The following ZNF700 variants were observed in gnomAD, a reference collection of about 807,000 sequenced individuals.
The protein encoded by ZNF700 is zinc finger protein 700.
In ZNF700, 38 loss-of-function variants were observed where a neutral mutation model predicts 65.3. The ratio of observed to expected loss-of-function variants is 0.58; its 90% CI spans 0.45 to 0.76. The LOEUF is 0.76. ZNF700 is among the 30% of genes least tolerant of loss of function. The probability of loss-of-function intolerance (pLI) is 0.00; values close to 1 mark genes in which losing one functional copy is unlikely to be tolerated. For missense variants in ZNF700, 857 were observed against 888.4 expected, an observed-to-expected ratio of 0.96 and a Z score of 0.45; for synonymous variants, 285 against 290.4, an observed-to-expected ratio of 0.98 and a Z score of 0.19.
intron 1 of ZNF700, among the ~76,000 whole-genome samples, chr19:11,935,500 G>A (rs138260420): frequency 0.013 from 1,972 of 152,004 alleles, 24 homozygotes; most frequent in South Asian, 0.025. Context: ...CCAAAGTGCC[G>A]GGATTATAGG....
Position 11,950,034 on chromosome 19 carries a change from CAGA to C in ZNF700, c.2011_2013del (p.Arg671del). On this transcript the variant is annotated inframe_deletion, in exon 4 of 4. Transcript: ENST00000254321. ...CTTTTCAAATACATGAAAGGAAGCA[CAGA>C]GGAGAGAAGCCCTATGAATGTAAGC... is the stretch of plus-strand genomic sequence containing the variant. 5 of 1,614,072 alleles carry C rather than the reference CAGA, an allele frequency of 3.1e-6. No homozygotes were observed. Among genetic ancestry groups the C allele is most frequent in the East Asian group, 2.2e-5 (1 of 44,878 alleles).
chr19:11,942,391 G>T (rs1453570692), intron 1 of ZNF700, among the ~76,000 whole-genome samples: 1 of 151,950 alleles, frequency 6.6e-6, no homozygotes, highest in East Asian at 1.9e-4. Flanking sequence ...CGTTATGACA[G>T]GTGCTACAGA....
At chr19:11,929,603 G>C (rs545255125) in intron 1 of ZNF700, among the ~76,000 whole-genome samples, 2 of 147,972 alleles carry the variant, frequency 1.4e-5, no homozygotes, top group Non-Finnish European at 2.9e-5. Flanking sequence ...ATTTAAATTC[G>C]ATTTCAGGGT....
In ZNF700 at chr19:11,941,183, C is replaced by T. The variant is rs544124123; in HGVS notation, c.64-5998C>T. ...GTGCATTTACAATCCCTGGGCTAGA[C>T]ATAAAGTTTCTCCACGTCCCCACCA... On this transcript the variant is annotated intron_variant, in intron 1 of 3. Coordinates refer to ENST00000254321, the MANE Select transcript of ZNF700 (RefSeq NM_144566.3). Among the ~76,000 whole-genome samples the T allele has an allele frequency of 7.9e-5, 12 of 152,348 alleles. No homozygotes were observed. In the South Asian group the frequency reaches 2.5e-3, roughly 32 times the overall value.
At chr19:11,936,034 A>G (rs1972790441) in intron 1 of ZNF700, among the ~76,000 whole-genome samples, 1 of 152,204 alleles carries the variant, frequency 6.6e-6, no homozygotes, top group African/African-American at 2.4e-5. Context: ...AAAGGACATG[A>G]ACTCATCCTT....
chr19:11,946,449 G>A (rs917939455), intron 1 of ZNF700, among the ~76,000 whole-genome samples: 1 of 152,100 alleles, frequency 6.6e-6, no homozygotes, highest in Non-Finnish European at 1.5e-5. Flanking sequence ...CTTGGCGGGT[G>A]GGGAGAGATC....
chr19:11,947,022 A>G, intron 1 of ZNF700, 159 bp from the exon 2 acceptor site: 1 of 1,246,134 alleles, frequency 8.0e-7, no homozygotes, highest in Non-Finnish European at 1.1e-6. Flanking sequence ...TGCTTTATGG[A>G]AGAAAGTAAG....
At chr19:11,944,796 G>A (rs762247382) in intron 1 of ZNF700, among the ~76,000 whole-genome samples, 1 of 152,224 alleles carries the variant, frequency 6.6e-6, no homozygotes, top group Non-Finnish European at 1.5e-5. Flanking sequence ...ATACATCGCT[G>A]TGCCACTGTT....
chr19:11,949,932 G>A lies in ZNF700; in HGVS notation c.1908G>A (p.Gln636=), dbSNP rs752141108. The A allele has an allele frequency of 4.1e-5, 66 of 1,595,036 alleles. 1 individual carries two copies. In the South Asian group the frequency reaches 7.3e-4, roughly 18 times the overall value. Residue 636 remains glutamine (Q), a synonymous_variant, in exon 4 of 4, where the codon CAG becomes CAA. Transcript: ENST00000254321. ...GKAFRSASNL[Q]MHERTHTGEK... is the part of the protein sequence containing the mutation. The stretch of plus-strand genomic sequence containing the variant: ...CCTTCAGATCTGCCTCAAACCTTCA[G>A]ATGCATGAAAGGACTCACACTGGAG...
intron 1 of ZNF700, 101 bp from the exon 2 acceptor site, chr19:11,947,080 T>C: frequency 6.6e-7 from 1 of 1,505,010 alleles, no homozygotes; most frequent in Admixed American, 2.4e-5. Flanking sequence ...GGAATAAATG[T>C]TTGGAGTCCA....
chr19:11,947,411 G>A, intron 2 of ZNF700, 103 bp from the exon 3 acceptor site: 4 of 1,602,134 alleles, frequency 2.5e-6, no homozygotes, highest in Non-Finnish European at 3.4e-6. Context: ...ATACCTTGAT[G>A]AATAAATGAG....
At chr19:11,944,515 G>A (rs1259565457) in intron 1 of ZNF700, among the ~76,000 whole-genome samples, 8 of 152,206 alleles carry the variant, frequency 5.3e-5, no homozygotes, top group African/African-American at 1.9e-4. Flanking sequence ...ACGCTGGCCT[G>A]TTATCTGAGC....
chr19:11,945,167 C>T (rs1972941107), intron 1 of ZNF700, among the ~76,000 whole-genome samples: 1 of 152,166 alleles, frequency 6.6e-6, no homozygotes, highest in African/African-American at 2.4e-5. Flanking sequence ...ATAAGTTTTT[C>T]CTTTAACTCA....
chr19:11,946,033 AT>A (rs1972953962), intron 1 of ZNF700, among the ~76,000 whole-genome samples: 1 of 152,116 alleles, frequency 6.6e-6, no homozygotes, highest in African/African-American at 2.4e-5. Context: ...AAGAAACTCT[AT>A]GTCCTTGTCC....
Position 11,948,809 on chromosome 19 carries a change from CT to C in ZNF700, c.786del (p.Ala263LeufsTer85). ...CKQCGKSFTY[S>X]ATLQIHERTH... is the part of the protein sequence containing the mutation. Reference sequence around the variant, plus strand: ...CAATGTGGTAAATCCTTTACTTATTCTGCTACCCTTCAAATACATGAAAGAA... The same window carrying C: ...CAATGTGGTAAATCCTTTACTTATTCGCTACCCTTCAAATACATGAAAGAA... On this transcript the variant is annotated frameshift_variant, in exon 4 of 4. Transcript: ENST00000254321. LOFTEE classifies it high-confidence loss of function. 6.2e-7 allele frequency: 1 copy of C among 1,609,146 alleles called. No individual in the cohort carries two copies. The highest frequency in any genetic ancestry group is 1.7e-4 in the Middle Eastern group (1 of 6,036).
At chr19:11,944,850 A>G (rs1972936419) in intron 1 of ZNF700, among the ~76,000 whole-genome samples, 1 of 152,220 alleles carries the variant, frequency 6.6e-6, no homozygotes, top group African/African-American at 2.4e-5. Flanking sequence ...TACCGGCTTA[A>G]CAACTTTTGA....
rs541704119 is a variant in ZNF700 at position 11,945,712 on chromosome 19, C to T, written c.64-1469C>T. ...GGCTCGGTTAAGAAAAGTCTTCATT[C>T]CTCCTCCTGGGGGACAGTAAGGGCC... On this transcript the variant is annotated intron_variant, in intron 1 of 3. Transcript: ENST00000254321. Among the ~76,000 whole-genome samples the T allele has an allele frequency of 1.4e-4, 21 of 152,120 alleles. 1 individual carries two copies. The Middle Eastern group carries it at 0.024, about 172-fold the overall frequency.
rs57120234 is a variant in ZNF700 at position 11,927,422 on chromosome 19, TTAAATAAATAAATAAATAAA to T, written c.63+2172_63+2191del. Among the ~76,000 whole-genome samples the T allele has an allele frequency of 8.4e-5, 12 of 143,130 alleles. 1 individual carries two copies. The highest frequency in any genetic ancestry group is 3.5e-4 in the Admixed American group (5 of 14,238). The allele number at this position is 143,130 out of a possible 152,430, so 93.9% of individuals were successfully genotyped here. A position where few individuals can be genotyped will look rare whatever the true frequency, so the allele number is the denominator to read the frequency against. On this transcript the variant is annotated intron_variant, in intron 1 of 3. Coordinates refer to ENST00000254321, the MANE Select transcript of ZNF700 (RefSeq NM_144566.3). ...CAACACAGCGAGACCCTGTCTCTATTTAAATAAATAAATAAATAAATAAATAAATAAATAAATAAATAGAA... is the reference window on the plus strand; with the variant it reads ...CAACACAGCGAGACCCTGTCTCTATTTAAATAAATAAATAAATAAATAGAA...
chr19:11,948,022 A>G (rs1972989223), intron 3 of ZNF700, among the ~76,000 whole-genome samples: 1 of 152,234 alleles, frequency 6.6e-6, no homozygotes, highest in Admixed American at 6.5e-5. Flanking sequence ...AAGAAAAATG[A>G]CATACAGTAT....
Sources: gnomAD v4.1 joint callset for allele counts (sites outside exome capture counted in the v4.1 genomes callset) on GRCh38, gnomAD v4.1.1 for gene constraint, MANE v1.5 for transcripts, NCBI Gene and HGNC (gene_info 2026-07-23, HGNC 2026-07-21) for gene names.